Variants in ASCC1 observed in about 807,000 individuals in gnomAD.
ASCC1 encodes activating signal cointegrator 1 complex subunit 1.
A neutral mutation model predicts 46.6 loss-of-function variants in ASCC1; 35 were observed. That is an observed-to-expected ratio of 0.75 (90% CI 0.57 to 0.99). The LOEUF (loss-of-function observed/expected upper bound fraction) is 0.99, where lower values mean the gene tolerates loss of function less well. Ranked by LOEUF, ASCC1 falls within the 50% of genes least tolerant of loss-of-function variation. ASCC1 has a pLI of 0.00. For synonymous variants in ASCC1, 143 were observed against 146.6 expected, an observed-to-expected ratio of 0.98 and a Z score of 0.18; for missense variants, 376 against 428.7, an observed-to-expected ratio of 0.88 and a Z score of 1.09.
intron 5 of ASCC1, among the ~76,000 whole-genome samples, chr10:72,166,480 T>G (rs1470854419): frequency 2.2e-5 from 3 of 136,308 alleles, no homozygotes; most frequent in African/African-American, 8.6e-5. Flanking sequence ...AAAACCAACA[T>G]AATTGAGTTT....
chr10:72,190,921 G>C (rs1250432608), intron 5 of ASCC1, among the ~76,000 whole-genome samples: 1 of 149,090 alleles, frequency 6.7e-6, no homozygotes. Flanking sequence ...GCTTGAACCC[G>C]GGAGGCGGAG....
At chr10:72,205,925 G>A (rs1857141884) in intron 3 of ASCC1, among the ~76,000 whole-genome samples, 1 of 151,876 alleles carries the variant, frequency 6.6e-6, no homozygotes, top group Admixed American at 6.6e-5. Context: ...CCAACGTGGT[G>A]AAACACCATC....
At chr10:72,199,596 G>A (rs879366924) in intron 4 of ASCC1, among the ~76,000 whole-genome samples, 8 of 150,884 alleles carry the variant, frequency 5.3e-5, no homozygotes, top group East Asian at 2.0e-4. Flanking sequence ...GGGCCTGGCC[G>A]GCTAATTTTT....
intron 5 of ASCC1, chr10:72,189,891 T>C (rs1854143852): frequency 3.1e-6 from 2 of 648,898 alleles, no homozygotes; most frequent in Admixed American, 4.7e-5. Context: ...CACTATAAGA[T>C]TAAGAAAGTA....
intron 9 of ASCC1, chr10:72,103,084 G>T: frequency 2.8e-6 from 1 of 352,578 alleles, no homozygotes; most frequent in South Asian, 2.1e-5. Flanking sequence ...CATGTGCCAG[G>T]AATTATCTTA....
chr10:72,152,211 G>T (rs1489474677), intron 7 of ASCC1, among the ~76,000 whole-genome samples: 2 of 138,022 alleles, frequency 1.4e-5, no homozygotes, highest in Non-Finnish European at 3.1e-5. Flanking sequence ...TTTTTGTATA[G>T]AGAGAGTTTC....
intron 5 of ASCC1, among the ~76,000 whole-genome samples, chr10:72,170,116 G>A (rs60098505): frequency 0.094 from 14,142 of 150,506 alleles, 1,995 homozygotes; most frequent in African/African-American, 0.31. Context: ...GTGAAACTCC[G>A]TCTCAAAGAA....
chr10:72,111,944 G>A (rs377145541), intron 9 of ASCC1, among the ~76,000 whole-genome samples: 5 of 152,276 alleles, frequency 3.3e-5, no homozygotes, highest in African/African-American at 1.2e-4. Flanking sequence ...GCCAGGCCAA[G>A]CATCATTTTT....
At chr10:72,190,128 G>T (rs1391557492) in intron 5 of ASCC1, 1 of 760,790 alleles carries the variant, frequency 1.3e-6, no homozygotes, top group Non-Finnish European at 2.4e-6. Context: ...ATTATATATA[G>T]GATTCATGTT....
chr10:72,213,564 A>ACCC, intron 1 of ASCC1, among the ~76,000 whole-genome samples: 2 of 111,574 alleles, frequency 1.8e-5, no homozygotes, highest in South Asian at 3.0e-4. Flanking sequence ...ACTATTTATC[A>ACCC]CCCCCCCCCC....
At chr10:72,180,131 T>G (rs1852384018) in intron 5 of ASCC1, among the ~76,000 whole-genome samples, 1 of 151,532 alleles carries the variant, frequency 6.6e-6, no homozygotes, top group South Asian at 2.1e-4. Context: ...ATACAAAAAT[T>G]AGCCAGGCAT....
At chr10:72,211,679 C>T (rs1428690261) in intron 2 of ASCC1, among the ~76,000 whole-genome samples, 1 of 151,926 alleles carries the variant, frequency 6.6e-6, no homozygotes, top group Non-Finnish European at 1.5e-5. Context: ...AAAAATTAGC[C>T]AGGCATGGTG....
At chr10:72,190,994 T>TC (rs1854374056) in intron 5 of ASCC1, among the ~76,000 whole-genome samples, 1 of 43,276 alleles carries the variant, frequency 2.3e-5, no homozygotes, top group African/African-American at 2.1e-4. Flanking sequence ...AGACGCCGTC[T>TC]CAAAAAAAAA....
chr10:72,172,894 ATATATTATATATTATATTTT>A (rs1408446377), intron 5 of ASCC1, among the ~76,000 whole-genome samples: 3 of 132,202 alleles, frequency 2.3e-5, no homozygotes, highest in Middle Eastern at 3.7e-3. Context: ...TTTATATTAT[ATATATTATATATTATATTTT>A]TATATTATAT....
At chr10:72,194,614 A>T (rs1855083312) in intron 5 of ASCC1, among the ~76,000 whole-genome samples, 1 of 152,074 alleles carries the variant, frequency 6.6e-6, no homozygotes, top group Non-Finnish European at 1.5e-5. Flanking sequence ...TGTATTCAGC[A>T]CTCATAACAA....
chr10:72,193,270 T>C (rs893195606), intron 5 of ASCC1, among the ~76,000 whole-genome samples: 1 of 152,154 alleles, frequency 6.6e-6, no homozygotes, highest in Non-Finnish European at 1.5e-5. Context: ...AAACAAATTG[T>C]AGCATATCCA....
In ASCC1 at chr10:72,176,844, T is replaced by G. The variant is rs143413180; in HGVS notation, c.490-15170A>C. ...CAAGTGACATTTCCTCTGCGCAGAA[T>G]GCTCCCTGCCCCCATTTGCCAGCCT... On this transcript the variant is annotated intron_variant, in intron 5 of 9. Transcript: ENST00000672957. Among the ~76,000 whole-genome samples, 491 of 152,176 alleles carry G rather than the reference T, an allele frequency of 3.2e-3. 2 individuals carry two copies. Among genetic ancestry groups the G allele is most frequent in the African/African-American group, 0.011 (467 of 41,514 alleles).
chr10:72,126,409 G>T (rs1382052856), intron 9 of ASCC1, among the ~76,000 whole-genome samples: 1 of 152,152 alleles, frequency 6.6e-6, no homozygotes, highest in Non-Finnish European at 1.5e-5. Context: ...ATCATCACTG[G>T]GGTGGTTCAG....
chr10:72,097,848 G>GT (rs1227428869), intron 9 of ASCC1, among the ~76,000 whole-genome samples: 1 of 152,214 alleles, frequency 6.6e-6, no homozygotes, highest in African/African-American at 2.4e-5. Flanking sequence ...TCTCGGCTTT[G>GT]TTGCACCAGG....
Sources: allele counts gnomAD v4.1 joint callset (sites outside exome capture counted in the v4.1 genomes callset), GRCh38; gene constraint gnomAD v4.1.1; transcripts MANE v1.5; gene names NCBI Gene and HGNC (gene_info 2026-07-23, HGNC 2026-07-21).